Variants in EHBP1 observed in about 807,000 individuals in gnomAD.
EHBP1 encodes EH domain binding protein 1.
A neutral mutation model predicts 144.0 loss-of-function variants in EHBP1; 55 were observed. The observed-to-expected ratio is 0.38, with a 90% confidence interval of 0.31 to 0.48. EHBP1 has a LOEUF of 0.48. Ranked by LOEUF, EHBP1 falls within the 20% of genes least tolerant of loss-of-function variation. The pLI is 0.98. For synonymous variants in EHBP1, 469 were observed against 472.7 expected (o/e 0.99, Z 0.10); for missense variants, 1,200 against 1,364.2 (o/e 0.88, Z 1.90).
intron 14 of EHBP1, chr2:62,956,007 A>G (rs996586092): frequency 5.4e-5 from 9 of 166,832 alleles, no homozygotes; most frequent in Admixed American, 2.5e-4. Context: ...TTTGAATATA[A>G]TACTGATGTC....
At chr2:62,720,743 A>G (rs952672799) in intron 2 of EHBP1, among the ~76,000 whole-genome samples, 3 of 152,182 alleles carry the variant, frequency 2.0e-5, no homozygotes, top group African/African-American at 4.8e-5. Context: ...GGGGTGTCCA[A>G]TCTTTTGGTT....
chr2:62,935,888 TAG>T (rs2056352240), intron 10 of EHBP1, among the ~76,000 whole-genome samples: 1 of 152,186 alleles, frequency 6.6e-6, no homozygotes, highest in Admixed American at 6.5e-5. Flanking sequence ...TGCATCTGTT[TAG>T]ATGATTATAT....
intron 1 of EHBP1, among the ~76,000 whole-genome samples, chr2:62,680,703 C>T (rs771611538): frequency 1.4e-4 from 22 of 152,106 alleles, no homozygotes; most frequent in Non-Finnish European, 2.4e-4. Context: ...GAGAGCTACT[C>T]AAGCAGTAGT....
chr2:62,947,553 A>G (rs990733156), intron 12 of EHBP1, among the ~76,000 whole-genome samples: 2 of 152,186 alleles, frequency 1.3e-5, no homozygotes, highest in African/African-American at 4.8e-5. Flanking sequence ...GCTGTTTTCA[A>G]GGGTTAGTTC....
chr2:62,984,368 C>T (rs1378086867), intron 15 of EHBP1, among the ~76,000 whole-genome samples: 1 of 152,172 alleles, frequency 6.6e-6, no homozygotes, highest in Admixed American at 6.5e-5. Context: ...TGCATTTTTA[C>T]ATTCAGTGCA....
intron 10 of EHBP1, among the ~76,000 whole-genome samples, chr2:62,922,586 G>T (rs529362782): frequency 1.3e-5 from 2 of 152,316 alleles, no homozygotes; most frequent in East Asian, 3.9e-4. Flanking sequence ...TAGGGAAGAT[G>T]CAGGAATGAC....
chr2:62,723,905 T>G (rs1195564564), intron 2 of EHBP1, among the ~76,000 whole-genome samples: 1 of 152,214 alleles, frequency 6.6e-6, no homozygotes, highest in East Asian at 1.9e-4. Context: ...TCTCTAGCAT[T>G]TTTTCTTTCA....
chr2:62,978,448 G>A lies in EHBP1; in HGVS notation c.2461-740G>A, dbSNP rs913290223. ...AATCTCTTGACCTTGTGATCCATCC[G>A]CTTTGGCCTCCCAAAGTGCTGGGAT... is the stretch of plus-strand genomic sequence containing the variant. On this transcript the variant is annotated intron_variant, in intron 14 of 22. Coordinates refer to ENST00000431489, the MANE Select transcript of EHBP1 (RefSeq NM_001142616.3). Among the ~76,000 whole-genome samples the A allele has an allele frequency of 6.6e-5, 10 of 152,072 alleles. No homozygotes were observed. The South Asian group carries it at 1.5e-3, about 22-fold the overall frequency.
At chr2:62,968,000 AGATATAG>A (rs1357031164) in intron 14 of EHBP1, among the ~76,000 whole-genome samples, 1 of 152,086 alleles carries the variant, frequency 6.6e-6, no homozygotes, top group Non-Finnish European at 1.5e-5. Flanking sequence ...AGCTTTTGAG[AGATATAG>A]GATACATCGT....
chr2:62,966,786 A>G (rs1275712042), intron 14 of EHBP1, among the ~76,000 whole-genome samples: 1 of 152,202 alleles, frequency 6.6e-6, no homozygotes, highest in East Asian at 1.9e-4. Context: ...TCCTAATTAA[A>G]CAGTTATTAT....
chr2:62,946,358 A>T lies in EHBP1; in HGVS notation c.1414-1902A>T, dbSNP rs563913389. On this transcript the variant is annotated intron_variant, in intron 12 of 22. Coordinates refer to ENST00000431489, the MANE Select transcript of EHBP1 (RefSeq NM_001142616.3). ...TTCAATTAAATCTTCCAGTACAGACAATCATGGCTTTTGAAAGGCTTTATC... is the reference window on the plus strand; with the variant it reads ...TTCAATTAAATCTTCCAGTACAGACTATCATGGCTTTTGAAAGGCTTTATC... 1.8e-3 allele frequency among the ~76,000 whole-genome samples: 280 copies of T among 152,320 alleles called. 1 individual carries two copies. Among genetic ancestry groups the T allele is most frequent in the Non-Finnish European group, 3.4e-3 (234 of 68,020 alleles).
At chr2:62,736,700 G>A (rs1158017917) in intron 2 of EHBP1, among the ~76,000 whole-genome samples, 1 of 151,970 alleles carries the variant, frequency 6.6e-6, no homozygotes, top group Non-Finnish European at 1.5e-5. Flanking sequence ...TTCTTTCTTA[G>A]TATTTCCATC....
intron 5 of EHBP1, among the ~76,000 whole-genome samples, chr2:62,812,729 C>T (rs749360390): frequency 1.3e-5 from 2 of 152,048 alleles, no homozygotes; most frequent in African/African-American, 4.8e-5. Flanking sequence ...GGATATCTGG[C>T]GGAAGAAGTA....
chr2:62,844,550 A>G (rs1233522834), intron 7 of EHBP1, among the ~76,000 whole-genome samples: 2 of 152,180 alleles, frequency 1.3e-5, no homozygotes, highest in Non-Finnish European at 2.9e-5. Flanking sequence ...TTTCAGAACA[A>G]TAAATACTGG....
At chr2:62,771,751 A>G (rs910804599) in intron 5 of EHBP1, 2 of 153,038 alleles carry the variant, frequency 1.3e-5, no homozygotes, top group African/African-American at 4.8e-5. Context: ...TGCTTATCAC[A>G]TAGCAGATAC....
chr2:62,876,234 G>C (rs1002998114), intron 10 of EHBP1, among the ~76,000 whole-genome samples: 1 of 152,070 alleles, frequency 6.6e-6, no homozygotes, highest in Non-Finnish European at 1.5e-5. Flanking sequence ...CAGAGAGAAA[G>C]GGCATGTCAC....
upstream of EHBP1, among the ~76,000 whole-genome samples, chr2:62,703,421 T>A (rs2034336822): frequency 1.3e-5 from 2 of 152,170 alleles, no homozygotes; most frequent in African/African-American, 4.8e-5. Context: ...TATTCTATAT[T>A]TAATATTCTT....
At chr2:62,683,788 A>C (rs969293289) in intron 1 of EHBP1, among the ~76,000 whole-genome samples, 5 of 152,122 alleles carry the variant, frequency 3.3e-5, no homozygotes, top group African/African-American at 1.2e-4. Context: ...CTACTTGCCT[A>C]GAACAGCTCA....
intron 19 of EHBP1, among the ~76,000 whole-genome samples, chr2:63,022,008 C>T (rs151020844): frequency 2.0e-5 from 3 of 152,040 alleles, no homozygotes; most frequent in Non-Finnish European, 4.4e-5. Context: ...CTTCGTTATC[C>T]GCCCACCTCG....
Sources: allele counts gnomAD v4.1 joint callset (sites outside exome capture counted in the v4.1 genomes callset), GRCh38; gene constraint gnomAD v4.1.1; transcripts MANE v1.5; gene names NCBI Gene and HGNC (gene_info 2026-07-23, HGNC 2026-07-21).